RBFOX1: variants seen among roughly 807,000 people sequenced by gnomAD.
The protein encoded by RBFOX1 is RNA binding fox-1 homolog 1.
RBFOX1 carries 8 observed loss-of-function variants against 57.7 expected under a neutral mutation model. That is an observed-to-expected ratio of 0.14 (90% CI 0.08 to 0.25). The LOEUF is 0.25. Among genes scored for constraint, RBFOX1 ranks in the 10% least tolerant of loss-of-function variants. RBFOX1 has a pLI of 1.00. For synonymous variants in RBFOX1, 326 were observed against 222.4 expected (o/e 1.47, Z -4.15); for missense variants, 611 against 548.5 (o/e 1.11, Z -1.14).
intron 3 of RBFOX1, among the ~76,000 whole-genome samples, chr16:6,738,734 G>T (rs958922451): frequency 6.6e-6 from 1 of 152,072 alleles, no homozygotes; most frequent in East Asian, 1.9e-4. Flanking sequence ...CCATGTCCTA[G>T]GCCATAAAAT....
intron 4 of RBFOX1, among the ~76,000 whole-genome samples, chr16:7,330,778 A>G (rs963994234): frequency 6.6e-6 from 1 of 152,056 alleles, no homozygotes; most frequent in Non-Finnish European, 1.5e-5. Context: ...TAAAGAGACA[A>G]TTTGATCTGA....
intron 3 of RBFOX1, among the ~76,000 whole-genome samples, chr16:5,704,275 G>T (rs2151488844): frequency 6.6e-6 from 1 of 152,240 alleles, no homozygotes; most frequent in Admixed American, 6.5e-5. Flanking sequence ...AGAAGCCCCA[G>T]CCAAACTCCT....
chr16:7,353,708 G>C (rs928856636), intron 4 of RBFOX1, among the ~76,000 whole-genome samples: 2 of 152,134 alleles, frequency 1.3e-5, no homozygotes, highest in African/African-American at 2.4e-5. Context: ...CAGATACAAA[G>C]GACTACATAT....
At chr16:5,566,528 T>G (rs1382947319) in intron 2 of RBFOX1, among the ~76,000 whole-genome samples, 1 of 152,028 alleles carries the variant, frequency 6.6e-6, no homozygotes, top group East Asian at 1.9e-4. Context: ...CTGATTTTTC[T>G]TGTAACTTGC....
chr16:5,863,081 C>T (rs972134826), intron 3 of RBFOX1, among the ~76,000 whole-genome samples: 2 of 152,262 alleles, frequency 1.3e-5, no homozygotes, highest in East Asian at 1.9e-4. Context: ...AGACCCGGCC[C>T]CTGAAAGTCC....
At chr16:5,841,179 A>G (rs377572630) in intron 3 of RBFOX1, among the ~76,000 whole-genome samples, 5 of 152,188 alleles carry the variant, frequency 3.3e-5, no homozygotes, top group East Asian at 1.9e-4. Flanking sequence ...CCAACACTAT[A>G]TAGAGTAGGT....
intron 3 of RBFOX1, among the ~76,000 whole-genome samples, chr16:6,828,318 G>C (rs978307832): frequency 2.6e-5 from 4 of 152,166 alleles, no homozygotes; most frequent in Admixed American, 2.6e-4. Flanking sequence ...AAGGTGAAGA[G>C]ATCAGGAGCA....
chr16:6,801,068 G>A (rs1387907935), intron 3 of RBFOX1, among the ~76,000 whole-genome samples: 1 of 152,012 alleles, frequency 6.6e-6, no homozygotes, highest in Non-Finnish European at 1.5e-5. Flanking sequence ...ATCAGACGGA[G>A]GACTTGTTAA....
intron 1 of RBFOX1, among the ~76,000 whole-genome samples, chr16:5,379,595 T>A (rs1399578252): frequency 6.6e-6 from 1 of 152,198 alleles, no homozygotes; most frequent in East Asian, 1.9e-4. Flanking sequence ...TGCTACTTAA[T>A]CTCTGTGTGG....
At chr16:5,598,659 A>G (rs2047266121) in intron 2 of RBFOX1, among the ~76,000 whole-genome samples, 2 of 152,164 alleles carry the variant, frequency 1.3e-5, no homozygotes, top group Non-Finnish European at 1.5e-5. Flanking sequence ...TGACTATTTT[A>G]TGTATACAGC....
chr16:5,822,886 C>T (rs1329693799), intron 3 of RBFOX1, among the ~76,000 whole-genome samples: 1 of 152,192 alleles, frequency 6.6e-6, no homozygotes, highest in Non-Finnish European at 1.5e-5. Flanking sequence ...ATCTGAAAGG[C>T]ATCTGAGGCC....
intron 2 of RBFOX1, among the ~76,000 whole-genome samples, chr16:6,422,556 GA>G (rs1256343784): frequency 4.6e-5 from 7 of 152,120 alleles, no homozygotes; most frequent in African/African-American, 1.7e-4. Flanking sequence ...GGCTGTACAG[GA>G]AGCATAATGG....
intron 2 of RBFOX1, among the ~76,000 whole-genome samples, chr16:5,594,114 C>G (rs969879062): frequency 6.6e-6 from 1 of 152,048 alleles, no homozygotes. Flanking sequence ...CATCATGCAC[C>G]CAGAACCCCA....
chr16:5,529,659 C>T (rs1042717755), intron 2 of RBFOX1, among the ~76,000 whole-genome samples: 3 of 151,802 alleles, frequency 2.0e-5, no homozygotes, highest in Admixed American at 6.6e-5. Flanking sequence ...CTCCACCTCC[C>T]GGGTTTAAGC....
intron 3 of RBFOX1, among the ~76,000 whole-genome samples, chr16:5,712,673 G>A (rs745660666): frequency 6.6e-5 from 10 of 152,220 alleles, no homozygotes; most frequent in African/African-American, 2.2e-4. Flanking sequence ...CTGTGGTCAC[G>A]TGGTTCATAA....
Position 6,657,127 on chromosome 16 carries a change from CCTCTCCTCTT to C in RBFOX1, c.-16+2498_-16+2507del, listed in dbSNP as rs550361231. On this transcript the variant is annotated intron_variant, in intron 3 of 15. Coordinates refer to ENST00000550418, the MANE Select transcript of RBFOX1 (RefSeq NM_018723.4). ...CCTCTCCTCCCCTCTCCTCTCCTCT[CCTCTCCTCTT>C]CTCTCCTCTTCTCTCCTCTTTTCCT... Among the ~76,000 whole-genome samples the C allele has an allele frequency of 6.2e-3, 917 of 147,380 alleles. 12 individuals are homozygous for C. The highest frequency in any genetic ancestry group is 0.011 in the Non-Finnish European group (702 of 66,716).
intron 3 of RBFOX1, among the ~76,000 whole-genome samples, chr16:7,026,145 C>G (rs993510184): frequency 1.6e-4 from 24 of 152,268 alleles, no homozygotes; most frequent in African/African-American, 5.8e-4. Flanking sequence ...GAAGGCCTCC[C>G]TCTGCGTGGG....
chr16:7,205,115 C>G (rs73539655), intron 4 of RBFOX1, among the ~76,000 whole-genome samples: 22,551 of 152,128 alleles, frequency 0.15, 1,812 homozygotes, highest in African/African-American at 0.18. Flanking sequence ...ATTTTCTCCT[C>G]CCACCTCCCT....
At chr16:7,607,905 C>G (rs1048735136) in intron 10 of RBFOX1, among the ~76,000 whole-genome samples, 1 of 152,160 alleles carries the variant, frequency 6.6e-6, no homozygotes, top group Non-Finnish European at 1.5e-5. Flanking sequence ...CTCTCCTCAC[C>G]CCTTCCCTGC....
Sources: gnomAD v4.1 joint callset for allele counts (sites outside exome capture counted in the v4.1 genomes callset) on GRCh38, gnomAD v4.1.1 for gene constraint, MANE v1.5 for transcripts, NCBI Gene and HGNC (gene_info 2026-07-23, HGNC 2026-07-21) for gene names.